SMIM27: variants seen among roughly 807,000 people sequenced by gnomAD.
SMIM27 encodes the protein TOPORS antisense RNA 1 (non-protein coding).
SMIM27 carries 3 observed loss-of-function variants against 1.8 expected under a neutral mutation model. That is an observed-to-expected ratio of 1.65 (90% CI 0.75 to 4.28). The LOEUF is 4.28. Ranked by LOEUF, SMIM27 falls within the 30% of genes most tolerant of loss-of-function variation. SMIM27 has a pLI of 0.02. For missense variants in SMIM27, 63 were observed against 37.0 expected, an observed-to-expected ratio of 1.70 and a Z score of -1.83; for synonymous variants, 19 against 13.9, an observed-to-expected ratio of 1.37 and a Z score of -0.82.
At chr9:32,551,293 T>G, upstream of SMIM27, 1 of 502,834 alleles carries the variant, frequency 2.0e-6, no homozygotes. Flanking sequence ...CTTACCAAAC[T>G]CTGCGGAAAC....
At chr9:32,559,889 G>A (rs1821579449) in intron 1 of SMIM27, among the ~76,000 whole-genome samples, 2 of 152,124 alleles carry the variant, frequency 1.3e-5, no homozygotes, top group Non-Finnish European at 2.9e-5. Flanking sequence ...TTAAAACAAT[G>A]CCTTGCACAT....
chr9:32,552,667 G>A, intron 1 of SMIM27, 134 bp from the exon 2 acceptor site: 1 of 650,292 alleles, frequency 1.5e-6, no homozygotes, highest in Non-Finnish European at 2.8e-6. Context: ...GCTGCTGGGT[G>A]TACCCGCCAC....
In SMIM27 at chr9:32,562,479, G is replaced by C. The variant is rs187682501; in HGVS notation, c.46-3912G>C. 2.0e-4 allele frequency among the ~76,000 whole-genome samples: 31 copies of C among 152,292 alleles called. No individual in the cohort carries two copies. In the East Asian group the frequency reaches 5.2e-3, roughly 26 times the overall value. On this transcript the variant is annotated intron_variant, in intron 1 of 1. Transcript: ENST00000451672. ...AAAATTTTGGTTGTTTCACTCTTCT[G>C]TCAATAGGCTAACAGAAAGCCAACA...
chr9:32,552,459 C>G lies in SMIM27; in HGVS notation c.25C>G (p.Leu9Val). The G allele has an allele frequency of 6.2e-7, 1 of 1,602,706 alleles. No individual in the cohort carries two copies. The highest frequency in any genetic ancestry group is 8.5e-7 in the Non-Finnish European group (1 of 1,175,048). MKPVSRRT[L>V]DWIYSVLLLA... ...CATGAAGCCAGTAAGTCGTCGCACGCTGGACTGGATTTATTCAGTGGTAAG... is the reference window on the plus strand; with the variant it reads ...CATGAAGCCAGTAAGTCGTCGCACGGTGGACTGGATTTATTCAGTGGTAAG... The change falls in exon 1 of 2, where the codon CTG becomes GTG. Residue 9 changes from leucine to valine, a missense_variant. Coordinates refer to ENST00000692500, the MANE Select transcript of SMIM27 (RefSeq NM_001387564.1).
chr9:32,560,049 A>G (rs1191404590), intron 1 of SMIM27, among the ~76,000 whole-genome samples: 1 of 152,238 alleles, frequency 6.6e-6, no homozygotes, highest in Non-Finnish European at 1.5e-5. Context: ...ATACAATGTG[A>G]GCACTTTAAA....
At chr9:32,559,807 C>T (rs556127646) in intron 1 of SMIM27, among the ~76,000 whole-genome samples, 114 of 152,212 alleles carry the variant, frequency 7.5e-4, no homozygotes, top group African/African-American at 2.6e-3. Flanking sequence ...ATATTTATTA[C>T]CAGTCTCTAA....
chr9:32,566,079 A>G, intron 1 of SMIM27: 1 of 445,562 alleles, frequency 2.2e-6, no homozygotes, highest in East Asian at 3.5e-5. Context: ...CCAAAAAAAA[A>G]AAAAGGCACC....
chr9:32,551,623 G>A (rs1484802680), upstream of SMIM27: 1 of 266,810 alleles, frequency 3.7e-6, no homozygotes, highest in Non-Finnish European at 8.1e-6. Flanking sequence ...TAGAGCCTAA[G>A]CGGCCCGTTG....
chr9:32,566,003 A>G (rs1821774943), intron 1 of SMIM27: 1 of 298,650 alleles, frequency 3.3e-6, no homozygotes, highest in Admixed American at 4.4e-5. Flanking sequence ...AATGATTCAG[A>G]AATGTACTGA....
intron 1 of SMIM27, among the ~76,000 whole-genome samples, chr9:32,563,376 C>T (rs1013944338): frequency 6.6e-6 from 1 of 151,556 alleles, no homozygotes; most frequent in African/African-American, 2.4e-5. Context: ...CTCACTATGT[C>T]ACCCAGGATG....
rs1439363713 is a variant in SMIM27 at position 32,552,398 on chromosome 9, C to A, written c.-37C>A. Reference sequence around the variant, plus strand: ...GGAGGTTACTGTAAGGCCCGCAGCTCCCGCCAGCTCCCGCGGACTGCTGCC... The same window carrying A: ...GGAGGTTACTGTAAGGCCCGCAGCTACCGCCAGCTCCCGCGGACTGCTGCC... On this transcript the variant is annotated 5_prime_UTR_variant, in exon 1 of 2. Coordinates refer to ENST00000692500, the MANE Select transcript of SMIM27 (RefSeq NM_001387564.1). 8 of 1,605,596 alleles carry A rather than the reference C, an allele frequency of 5.0e-6. No individual in the cohort carries two copies. In the South Asian group the frequency reaches 8.9e-5, roughly 18 times the overall value.
chr9:32,554,340 G>C (rs748208135), downstream of SMIM27, among the ~76,000 whole-genome samples: 1 of 152,206 alleles, frequency 6.6e-6, no homozygotes, highest in Non-Finnish European at 1.5e-5. Context: ...GCAATCACCA[G>C]TTTTCTGATT....
At position 32,552,881 on chromosome 9, in the gene SMIM27, G is replaced by GAAAT. The variant is rs1296886324; in HGVS notation, c.128_131dup (p.Tyr44Ter). On this transcript the variant is annotated frameshift_variant, in exon 2 of 2. Coordinates refer to ENST00000692500, the MANE Select transcript of SMIM27 (RefSeq NM_001387564.1). LOFTEE classifies it high-confidence loss of function. ...TGTCTGCAAGACGACAGCTAAGGAA[G>GAAAT]AAATACCCAGACAAAATCTTTGGGA... 2 of 702,624 alleles carry GAAAT rather than the reference G, an allele frequency of 2.8e-6. No individual in the cohort carries two copies. Among genetic ancestry groups the GAAAT allele is most frequent in the Admixed American group, 2.0e-5 (1 of 49,966 alleles). 43.5% of individuals were successfully genotyped at this position (702,624 alleles called of 1,614,324 possible). A position where few individuals can be genotyped will look rare whatever the true frequency, so the allele number is the denominator to read the frequency against.
At chr9:32,565,780 C>T (rs554002233) in intron 1 of SMIM27, among the ~76,000 whole-genome samples, 2 of 151,960 alleles carry the variant, frequency 1.3e-5, no homozygotes, top group South Asian at 2.1e-4. Flanking sequence ...GAGACCAGGC[C>T]GACCAACATG....
upstream of SMIM27, chr9:32,552,277 G>T (rs1285759743): frequency 1.9e-6 from 2 of 1,051,444 alleles, no homozygotes; most frequent in Non-Finnish European, 2.9e-6. Context: ...CCCAACTCCG[G>T]GCGGAAGAGG....
intron 1 of SMIM27, among the ~76,000 whole-genome samples, chr9:32,564,387 T>C (rs1821716357): frequency 6.6e-6 from 1 of 152,212 alleles, no homozygotes; most frequent in African/African-American, 2.4e-5. Flanking sequence ...TGTGTTTTCT[T>C]ATAAATAGAA....
At chr9:32,562,739 A>G (rs1821660336) in intron 1 of SMIM27, among the ~76,000 whole-genome samples, 1 of 152,206 alleles carries the variant, frequency 6.6e-6, no homozygotes, top group African/African-American at 2.4e-5. Flanking sequence ...ATACATTACT[A>G]TCTCTACCTG....
intron 1 of SMIM27, chr9:32,565,464 A>C (rs1044520541): frequency 6.6e-6 from 1 of 152,240 alleles, no homozygotes; most frequent in Non-Finnish European, 1.5e-5. Context: ...GCTGATGCAT[A>C]AACAACTTGT....
At position 32,561,572 on chromosome 9, in the gene SMIM27, A is replaced by C. The variant is rs913680547; in HGVS notation, c.46-4819A>C. On this transcript the variant is annotated intron_variant, in intron 1 of 1. Coordinates refer to the SMIM27 transcript ENST00000451672. ...TCGAACCTCTGAGCTCAAGCAATCC[A>C]CCCGCCTCAGCCTCCCAAAGTGCCA... 2.6e-5 allele frequency among the ~76,000 whole-genome samples: 4 copies of C among 151,584 alleles called. No individual in the cohort carries two copies. The East Asian group carries it at 7.8e-4, about 29-fold the overall frequency.
Sources: gnomAD v4.1 joint callset for allele counts (sites outside exome capture counted in the v4.1 genomes callset) on GRCh38, gnomAD v4.1.1 for gene constraint, MANE v1.5 for transcripts, NCBI Gene and HGNC (gene_info 2026-07-23, HGNC 2026-07-21) for gene names.